The following ERBB4 variants were observed in gnomAD, a reference collection of about 807,000 sequenced individuals.
The protein encoded by ERBB4 is erb-b2 receptor tyrosine kinase 4, also known as receptor tyrosine-protein kinase erbB-4.
In ERBB4, 42 loss-of-function variants were observed where a neutral mutation model predicts 158.0. The observed-to-expected ratio is 0.27, with a 90% CI of 0.21 to 0.34. The LOEUF is 0.34. Ranked by LOEUF, ERBB4 falls within the 10% of genes least tolerant of loss-of-function variation. The probability of loss-of-function intolerance (pLI) is 1.00; values close to 1 mark genes in which losing one functional copy is unlikely to be tolerated. For missense variants in ERBB4, 1,333 were observed against 1,624.1 expected, an observed-to-expected ratio of 0.82 and a Z score of 3.08; for synonymous variants, 583 against 558.7, an observed-to-expected ratio of 1.04 and a Z score of -0.61.
In ERBB4 at chr2:211,711,967, G is replaced by A; in HGVS notation, c.1124+83C>T. The stretch of plus-strand genomic sequence containing the variant: ...AAGGTGAAACTCTTCAGCTTCCAGA[G>A]GAATCAAATAAACAAAACTAAAGAA... On this transcript the variant is annotated intron_variant, in intron 9 of 27. Coordinates refer to ENST00000342788, the MANE Select transcript of ERBB4 (RefSeq NM_005235.3). 2.5e-6 allele frequency: 3 copies of A among 1,198,778 alleles called. No individual in the cohort carries two copies. The South Asian group carries it at 3.8e-5, about 15-fold the overall frequency. 74.3% of individuals were successfully genotyped at this position (1,198,778 alleles called of 1,614,324 possible).
chr2:211,439,122 G>A (rs187581342), intron 20 of ERBB4, among the ~76,000 whole-genome samples: 1 of 152,036 alleles, frequency 6.6e-6, no homozygotes, highest in Admixed American at 6.6e-5. Flanking sequence ...GGCTGTTGAT[G>A]ATTCGTCTCA....
chr2:212,203,875 T>C (rs1393775057), intron 1 of ERBB4, among the ~76,000 whole-genome samples: 1 of 152,198 alleles, frequency 6.6e-6, no homozygotes, highest in Admixed American at 6.5e-5. Flanking sequence ...ATGAAGATAC[T>C]CTTTTTAACT....
At chr2:212,125,764 G>T (rs1027531814) in intron 1 of ERBB4, among the ~76,000 whole-genome samples, 4 of 152,122 alleles carry the variant, frequency 2.6e-5, no homozygotes, top group African/African-American at 4.8e-5. Context: ...CTTCTTTATG[G>T]CTGCATAGTA....
chr2:211,497,431 G>C (rs2065496861), intron 20 of ERBB4, among the ~76,000 whole-genome samples: 1 of 152,030 alleles, frequency 6.6e-6, no homozygotes, highest in African/African-American at 2.4e-5. Context: ...TCTGACACAT[G>C]GTAGGCATTC....
At chr2:211,634,129 A>T (rs2070264179) in intron 16 of ERBB4, among the ~76,000 whole-genome samples, 1 of 152,244 alleles carries the variant, frequency 6.6e-6, no homozygotes, top group Admixed American at 6.5e-5. Context: ...TTTATGATCC[A>T]TTTATATTCC....
intron 1 of ERBB4, among the ~76,000 whole-genome samples, chr2:212,508,074 C>A (rs928272848): frequency 2.6e-5 from 4 of 152,168 alleles, no homozygotes; most frequent in African/African-American, 9.7e-5. Context: ...AAGACCCTCC[C>A]CCAGCAAAAT....
chr2:211,953,401 AC>A (rs1197546237), intron 2 of ERBB4, among the ~76,000 whole-genome samples: 8 of 151,286 alleles, frequency 5.3e-5, no homozygotes, highest in African/African-American at 1.9e-4. Context: ...AGTAAATAAA[AC>A]AAAATAAAAT....
intron 1 of ERBB4, among the ~76,000 whole-genome samples, chr2:212,204,814 A>G (rs532699228): frequency 1.4e-5 from 2 of 141,408 alleles, no homozygotes; most frequent in Non-Finnish European, 3.0e-5. Context: ...TTTATATGAA[A>G]ACTTTTTTTT....
chr2:211,673,994 T>A (rs1316088677), intron 13 of ERBB4, among the ~76,000 whole-genome samples: 1 of 152,130 alleles, frequency 6.6e-6, no homozygotes, highest in East Asian at 1.9e-4. Flanking sequence ...CCTTCCTATA[T>A]CCTTACATTT....
chr2:212,227,803 C>T (rs1381539109), intron 1 of ERBB4, among the ~76,000 whole-genome samples: 3 of 151,670 alleles, frequency 2.0e-5, no homozygotes, highest in Admixed American at 6.6e-5. Context: ...TAAATGAAAC[C>T]TGATAGATTA....
intron 4 of ERBB4, among the ~76,000 whole-genome samples, chr2:211,759,289 C>T (rs1038990651): frequency 3.3e-5 from 5 of 152,140 alleles, no homozygotes; most frequent in African/African-American, 9.7e-5. Context: ...ATGCAATAAC[C>T]TCTTATCCGG....
intron 1 of ERBB4, among the ~76,000 whole-genome samples, chr2:212,186,432 C>T (rs1240138098): frequency 1.3e-5 from 2 of 152,186 alleles, no homozygotes; most frequent in East Asian, 3.8e-4. Context: ...TTAAACTTGG[C>T]TAATTTTTTA....
At chr2:212,185,026 T>TTTTTTC in intron 1 of ERBB4, among the ~76,000 whole-genome samples, 9 of 141,150 alleles carry the variant, frequency 6.4e-5, no homozygotes, top group Non-Finnish European at 6.3e-5. Flanking sequence ...TTTTTCTTTT[T>TTTTTTC]TTTTTTTCTT....
intron 3 of ERBB4, among the ~76,000 whole-genome samples, chr2:211,794,792 CTTA>C (rs2076348481): frequency 6.6e-6 from 1 of 151,834 alleles, no homozygotes; most frequent in African/African-American, 2.4e-5. Flanking sequence ...CTCAAATTGT[CTTA>C]TTATATAATC....
At chr2:211,709,841 C>A (rs2073624173) in intron 9 of ERBB4, among the ~76,000 whole-genome samples, 1 of 152,224 alleles carries the variant, frequency 6.6e-6, no homozygotes, top group Admixed American at 6.5e-5. Flanking sequence ...CAATGAAAGT[C>A]ATTTCCCTCT....
intron 1 of ERBB4, among the ~76,000 whole-genome samples, chr2:212,484,334 T>C (rs1033657743): frequency 1.3e-5 from 2 of 152,202 alleles, no homozygotes; most frequent in Admixed American, 6.5e-5. Flanking sequence ...TGAACCAAGT[T>C]GCTTGTATTT....
Position 211,808,559 on chromosome 2 carries a change from C to T in ERBB4, c.422-20400G>A, listed in dbSNP as rs147850506. Among the ~76,000 whole-genome samples the T allele has an allele frequency of 2.2e-4, 33 of 152,186 alleles. 2 individuals carry two copies. Among genetic ancestry groups the T allele is most frequent in the Admixed American group, 2.0e-3 (31 of 15,286 alleles). On this transcript the variant is annotated intron_variant, in intron 3 of 27. Coordinates refer to ENST00000342788, the MANE Select transcript of ERBB4 (RefSeq NM_005235.3). ...TGCAGTATAGTTTGAAGTCAGGTAGCGTGATGCTTTCAGCTTTGTTCTTTT... is the reference window on the plus strand; with the variant it reads ...TGCAGTATAGTTTGAAGTCAGGTAGTGTGATGCTTTCAGCTTTGTTCTTTT...
intron 12 of ERBB4, among the ~76,000 whole-genome samples, chr2:211,699,774 A>AT (rs1426535816): frequency 6.6e-6 from 1 of 152,096 alleles, no homozygotes; most frequent in Non-Finnish European, 1.5e-5. Context: ...GTTTAAACAC[A>AT]TTTTATATTT....
chr2:211,450,668 A>G (rs1377174747), intron 20 of ERBB4, among the ~76,000 whole-genome samples: 2 of 152,196 alleles, frequency 1.3e-5, no homozygotes, highest in Non-Finnish European at 2.9e-5. Context: ...TATATGCAGG[A>G]CTAATGTTTA....
Sources: allele counts gnomAD v4.1 joint callset (sites outside exome capture counted in the v4.1 genomes callset), GRCh38; gene constraint gnomAD v4.1.1; transcripts MANE v1.5; gene names NCBI Gene and HGNC (gene_info 2026-07-23, HGNC 2026-07-21).